The following ZBTB17 variants were observed in gnomAD, a reference collection of about 807,000 sequenced individuals.
The protein encoded by ZBTB17 is zinc finger and BTB domain-containing protein 17.
Under a neutral mutation model 85.1 loss-of-function variants are expected in ZBTB17, and 24 were observed. The ratio of observed to expected loss-of-function variants is 0.28; its 90% CI spans 0.20 to 0.40. ZBTB17 has a LOEUF of 0.40. ZBTB17 is among the 10% of genes least tolerant of loss of function. The pLI, the probability that ZBTB17 is intolerant of heterozygous loss-of-function variation, is 1.00. For missense variants in ZBTB17, 743 were observed against 1,105.1 expected, an observed-to-expected ratio of 0.67 and a Z score of 4.65; for synonymous variants, 464 against 460.2, an observed-to-expected ratio of 1.01 and a Z score of -0.11.
At chr1:15,947,860 C>T (rs1478750067) in intron 3 of ZBTB17, among the ~76,000 whole-genome samples, 9 of 152,158 alleles carry the variant, frequency 5.9e-5, no homozygotes, top group Admixed American at 5.9e-4. Flanking sequence ...GGACCAGTTC[C>T]TTCCACAACC....
chr1:15,963,229 T>A (rs910591424), intron 2 of ZBTB17, among the ~76,000 whole-genome samples: 3 of 152,226 alleles, frequency 2.0e-5, no homozygotes, highest in African/African-American at 7.2e-5. Context: ...CAACTCCATT[T>A]CTGGCAAAGG....
intron 2 of ZBTB17, among the ~76,000 whole-genome samples, chr1:15,967,628 T>C (rs1382799882): frequency 6.6e-6 from 1 of 152,214 alleles, no homozygotes; most frequent in African/African-American, 2.4e-5. Context: ...ATAGTAAATG[T>C]TGTTTTCTTC....
chr1:15,950,694 GT>G (rs1459550751), intron 2 of ZBTB17, among the ~76,000 whole-genome samples: 5 of 152,196 alleles, frequency 3.3e-5, no homozygotes, highest in African/African-American at 1.2e-4. Context: ...AGCCACCCAG[GT>G]GCTAAAACAA....
chr1:15,945,609 T>C, intron 6 of ZBTB17, 106 bp downstream of exon 6: 1 of 1,502,948 alleles, frequency 6.7e-7, no homozygotes, highest in South Asian at 1.2e-5. Context: ...TGACTCCAGG[T>C]GGGACTAGCT....
At chr1:15,949,351 A>C (rs953201439) in intron 2 of ZBTB17, among the ~76,000 whole-genome samples, 1 of 152,204 alleles carries the variant, frequency 6.6e-6, no homozygotes, top group Non-Finnish European at 1.5e-5. Context: ...TCCCGCCCCA[A>C]CACCACCCAG....
chr1:15,969,512 G>A lies in ZBTB17; in HGVS notation c.-3+3527C>T, dbSNP rs1475324441. ...TGGTGGTCCTAGGTGCACGGGGGCC[G>A]AGGGGGCACGAGGCAGTAGTGTGGG... On this transcript the variant is annotated intron_variant, in intron 2 of 15. Transcript: ENST00000375743. 14 of 281,208 alleles carry A rather than the reference G, an allele frequency of 5.0e-5. 1 individual carries two copies. The highest frequency in any genetic ancestry group is 6.1e-5 in the South Asian group (2 of 32,582). The allele number at this position is 281,208 out of a possible 1,614,324, so 17.4% of individuals were successfully genotyped here. A position where few individuals can be genotyped will look rare whatever the true frequency, so the allele number is the denominator to read the frequency against.
intron 3 of ZBTB17, among the ~76,000 whole-genome samples, chr1:15,947,526 C>T (rs555852266): frequency 4.9e-4 from 74 of 151,906 alleles, no homozygotes; most frequent in Non-Finnish European, 9.1e-4. Flanking sequence ...GCACAGAGGA[C>T]GGGGGTATAA....
chr1:15,948,387 C>G lies in ZBTB17; in HGVS notation c.109G>C (p.Ala37Pro). 6.2e-7 allele frequency: 1 copy of G among 1,614,060 alleles called. No individual in the cohort carries two copies. Among genetic ancestry groups the G allele is most frequent in the Non-Finnish European group, 8.5e-7 (1 of 1,180,054 alleles). Residue 37 changes from alanine (A) to proline (P), a missense_variant, in exon 3 of 16, where the codon GCT becomes CCT. By Grantham distance (27) the Ala-to-Pro change is conservative. Around this residue, in one of 4 missense-constraint regions of ZBTB17, gnomAD observed 74 missense variants for 142.6 expected, o/e 0.52. Coordinates refer to ENST00000375743, the MANE Select transcript of ZBTB17 (RefSeq NM_003443.3). ...CAGGCCGCCAGCACTGCTTTATGAG[C>G]CTTAAAGTGAACACCGTCCACCACA... is the stretch of plus-strand genomic sequence containing the variant. The part of the protein sequence containing the change: ...TFVVDGVHFK[A>P]HKAVLAACSE...
intron 2 of ZBTB17, among the ~76,000 whole-genome samples, chr1:15,954,883 G>A (rs573972836): frequency 4.6e-5 from 7 of 151,972 alleles, no homozygotes; most frequent in African/African-American, 7.2e-5. Flanking sequence ...GGCCAGGTGC[G>A]GTGGCTCACG....
intron 6 of ZBTB17, among the ~76,000 whole-genome samples, chr1:15,945,467 G>A (rs1255377730): frequency 6.6e-6 from 1 of 152,224 alleles, no homozygotes; most frequent in African/African-American, 2.4e-5. Flanking sequence ...AAGCCGGGAA[G>A]CAGCAGAAGC....
At chr1:15,959,943 T>C (rs566260327) in intron 2 of ZBTB17, among the ~76,000 whole-genome samples, 2 of 152,064 alleles carry the variant, frequency 1.3e-5, no homozygotes, top group South Asian at 4.2e-4. Context: ...AAATGGAAAA[T>C]TGTGGTAATG....
chr1:15,946,076 A>G, intron 5 of ZBTB17, 78 bp downstream of exon 5: 1 of 1,596,786 alleles, frequency 6.3e-7, no homozygotes, highest in Admixed American at 1.7e-5. Context: ...ACCTGCCCCA[A>G]GGCAGCCCTC....
rs944513170 is a variant in ZBTB17 at position 15,966,216 on chromosome 1, G to A, written c.-3+6823C>T. On this transcript the variant is annotated intron_variant, in intron 2 of 15. Coordinates refer to ENST00000375743, the MANE Select transcript of ZBTB17 (RefSeq NM_003443.3). The surrounding 1 kb of genome is among the most constrained non-coding windows in gnomAD (Gnocchi z 4.1). ...AAATGAGAAGTGCTTTGCTCTCTGA[G>A]CTCTGGTGATACAGCTTCCCATGGG... Among the ~76,000 whole-genome samples, 1 of 152,188 alleles carries A rather than the reference G, an allele frequency of 6.6e-6. No individual in the cohort carries two copies. Among genetic ancestry groups the A allele is most frequent in the East Asian group, 1.9e-4 (1 of 5,192 alleles).
At chr1:15,967,197 G>A (rs868738142) in intron 2 of ZBTB17, among the ~76,000 whole-genome samples, 4 of 151,834 alleles carry the variant, frequency 2.6e-5, no homozygotes, top group East Asian at 1.9e-4. Context: ...GCAACGTGGC[G>A]AAACCCTATC....
intron 2 of ZBTB17, among the ~76,000 whole-genome samples, chr1:15,958,183 T>C (rs1318625095): frequency 6.6e-6 from 1 of 152,108 alleles, no homozygotes; most frequent in African/African-American, 2.4e-5. Context: ...TGCCCAAATA[T>C]TGGCAAAAGT....
rs752499318 is a variant in ZBTB17 at position 15,942,229 on chromosome 1, C to T, written c.2152G>A (p.Ala718Thr). 6.2e-7 allele frequency: 1 copy of T among 1,613,670 alleles called. No individual in the cohort carries two copies. Among genetic ancestry groups the T allele is most frequent in the Non-Finnish European group, 8.5e-7 (1 of 1,179,892 alleles). The change falls in exon 16 of 16, where the codon GCC (alanine) becomes ACC (threonine). Residue 718 changes from alanine to threonine, a missense_variant. By Grantham distance (58) the Ala-to-Thr change is moderately conservative. This residue lies in a region of ZBTB17 where 321 missense variants were observed against 615.7 expected (regional missense o/e 0.52). Coordinates refer to ENST00000375743, the MANE Select transcript of ZBTB17 (RefSeq NM_003443.3). ...AACTTGTCCCCACAGGAGTCACAGG[C>T]GTAGAGGATGTGAGTGTTGGGGTCT... ...EEDPNTHILYACDSCGDKFLD... is the reference protein window; with the variant it reads ...EEDPNTHILYTCDSCGDKFLD...
chr1:15,962,446 C>T (rs2148800125), intron 2 of ZBTB17, among the ~76,000 whole-genome samples: 1 of 152,202 alleles, frequency 6.6e-6, no homozygotes, highest in South Asian at 2.1e-4. Context: ...GCTGTGGTGC[C>T]GCACGCACAG....
chr1:15,961,390 G>A (rs1386279673), intron 2 of ZBTB17, among the ~76,000 whole-genome samples: 1 of 152,170 alleles, frequency 6.6e-6, no homozygotes, highest in Non-Finnish European at 1.5e-5. Context: ...TTCCAAATAG[G>A]ATTAAGCTAA....
At chr1:15,957,229 G>A (rs768056181) in intron 2 of ZBTB17, among the ~76,000 whole-genome samples, 39 of 152,042 alleles carry the variant, frequency 2.6e-4, no homozygotes, top group Non-Finnish European at 4.4e-4. Context: ...GACCTCAGAG[G>A]AGGTGGCATT....
Sources: gnomAD v4.1 joint callset for allele counts (sites outside exome capture counted in the v4.1 genomes callset) on GRCh38, gnomAD v4.1.1 for gene constraint, gnomAD v4.1.1 regional missense constraint, Gnocchi (gnomAD v3.1) non-coding constraint, MANE v1.5 for transcripts, NCBI Gene and HGNC (gene_info 2026-07-23, HGNC 2026-07-21) for gene names.